CHST9: variants seen among roughly 807,000 people sequenced by gnomAD.
CHST9 encodes the protein GalNAc-4-sulfotransferase 2.
Under a neutral mutation model 44.4 loss-of-function variants are expected in CHST9, and 41 were observed. The ratio of observed to expected loss-of-function variants is 0.92; its 90% CI spans 0.72 to 1.20. The LOEUF (loss-of-function observed/expected upper bound fraction) is 1.20, where lower values mean the gene tolerates loss of function less well. Ranked by LOEUF, CHST9 falls within the 50% of genes most tolerant of loss-of-function variation. The pLI, the probability that CHST9 is intolerant of heterozygous loss-of-function variation, is 0.00. For missense variants in CHST9, 504 were observed against 516.5 expected, an observed-to-expected ratio of 0.98 and a Z score of 0.23; for synonymous variants, 171 against 178.4, an observed-to-expected ratio of 0.96 and a Z score of 0.33.
chr18:26,997,780 C>T (rs2056902997), intron 4 of CHST9, among the ~76,000 whole-genome samples: 1 of 152,144 alleles, frequency 6.6e-6, no homozygotes. Context: ...GGTAATATCA[C>T]TGTCTTCAAG....
rs116118126 is a variant in CHST9, at chr18:27,145,661, A to G, written c.-96-2756T>C. Among the ~76,000 whole-genome samples the G allele has an allele frequency of 1.3e-3, 202 of 152,312 alleles. 2 individuals carry two copies. Among genetic ancestry groups the G allele is most frequent in the African/African-American group, 4.6e-3 (191 of 41,576 alleles). On this transcript the variant is annotated intron_variant, in intron 1 of 5. Coordinates refer to ENST00000618847, the MANE Select transcript of CHST9 (RefSeq NM_031422.6). ...AGGATTTCAGACATTTCCTTGATTC[A>G]GGTAGTAAAGAAAGTTTTTAAATAA... is the stretch of plus-strand genomic sequence containing the variant.
intron 2 of CHST9, among the ~76,000 whole-genome samples, chr18:27,076,619 A>C (rs1280814863): frequency 1.3e-5 from 2 of 152,182 alleles, no homozygotes; most frequent in Non-Finnish European, 2.9e-5. Context: ...TGTATACCCG[A>C]ATGAGTCCAG....
At chr18:27,157,829 A>G (rs758549195) in intron 1 of CHST9, among the ~76,000 whole-genome samples, 13 of 152,148 alleles carry the variant, frequency 8.5e-5, no homozygotes, top group Non-Finnish European at 1.8e-4. Context: ...AAAAAACTGC[A>G]TTGTAAAATT....
At chr18:26,954,011 C>A (rs2056287150) in intron 4 of CHST9, among the ~76,000 whole-genome samples, 1 of 152,132 alleles carries the variant, frequency 6.6e-6, no homozygotes, top group Non-Finnish European at 1.5e-5. Context: ...CATTATAGAT[C>A]TGCACATGTA....
chr18:27,147,832 T>C (rs1297513017), intron 1 of CHST9: 1 of 151,956 alleles, frequency 6.6e-6, no homozygotes, highest in African/African-American at 2.4e-5. Context: ...GACACTATTC[T>C]GTTCTATTGA....
chr18:27,078,915 T>G (rs1439173506), intron 2 of CHST9, among the ~76,000 whole-genome samples: 1 of 152,180 alleles, frequency 6.6e-6, no homozygotes, highest in Non-Finnish European at 1.5e-5. Context: ...AGATATAGAA[T>G]TCATTAATGA....
chr18:26,996,414 C>T (rs578100378), intron 4 of CHST9, among the ~76,000 whole-genome samples: 5 of 152,164 alleles, frequency 3.3e-5, no homozygotes, highest in East Asian at 1.9e-4. Flanking sequence ...ATGAATGGCT[C>T]GGTGCTGTCC....
chr18:27,026,025 A>T (rs1395001610), intron 3 of CHST9, among the ~76,000 whole-genome samples: 1 of 152,184 alleles, frequency 6.6e-6, no homozygotes, highest in Admixed American at 6.5e-5. Context: ...TGTATGAGAG[A>T]TTGTTCTCAT....
chr18:26,944,477 C>G (rs1295260079), intron 4 of CHST9, 111 bp from the exon 5 acceptor site: 22 of 738,186 alleles, frequency 3.0e-5, no homozygotes, highest in Non-Finnish European at 4.2e-5. Flanking sequence ...CATGGACTCT[C>G]TGAGCAAGGA....
chr18:26,937,260 T>C (rs2056010316), intron 5 of CHST9, among the ~76,000 whole-genome samples: 1 of 151,034 alleles, frequency 6.6e-6, no homozygotes, highest in African/African-American at 2.5e-5. Flanking sequence ...ATTAAAAAAG[T>C]AATTTACCGC....
chr18:27,035,468 A>C (rs1419174536), intron 3 of CHST9, among the ~76,000 whole-genome samples: 1 of 152,166 alleles, frequency 6.6e-6, no homozygotes, highest in Non-Finnish European at 1.5e-5. Context: ...AAATGGATAA[A>C]GAAAATGTGA....
chr18:26,937,757 T>G (rs1403422452), intron 5 of CHST9, among the ~76,000 whole-genome samples: 1 of 152,162 alleles, frequency 6.6e-6, no homozygotes, highest in Non-Finnish European at 1.5e-5. Flanking sequence ...GAGAGATAAT[T>G]TAATGTAAAA....
At chr18:27,121,143 C>A (rs1330432353) in intron 2 of CHST9, among the ~76,000 whole-genome samples, 18 of 152,134 alleles carry the variant, frequency 1.2e-4, no homozygotes, top group Admixed American at 1.2e-3. Flanking sequence ...GCTGGGACTA[C>A]AGGCACCACA....
chr18:27,075,113 C>T (rs1381963068), intron 2 of CHST9, among the ~76,000 whole-genome samples: 4 of 149,786 alleles, frequency 2.7e-5, no homozygotes, highest in South Asian at 2.1e-4. Context: ...CTTTGACTAG[C>T]GTATATTGCA....
At chr18:27,014,453 C>CAAAAAAAAAAAAAAAAAAAAAA (rs57437876) in intron 4 of CHST9, among the ~76,000 whole-genome samples, 2 of 39,438 alleles carry the variant, frequency 5.1e-5, no homozygotes, top group East Asian at 8.1e-4. Flanking sequence ...GACTCTGTCT[C>CAAAAAAAAAAAAAAAAAAAAAA]AAAAAAAAAA....
chr18:27,155,496 A>G (rs186512032), intron 1 of CHST9, among the ~76,000 whole-genome samples: 8 of 152,306 alleles, frequency 5.3e-5, no homozygotes, highest in Admixed American at 2.0e-4. Context: ...TTAATACCTG[A>G]TCTTCATTAG....
intron 2 of CHST9, among the ~76,000 whole-genome samples, chr18:27,101,313 C>T (rs527714508): frequency 6.6e-6 from 1 of 152,108 alleles, no homozygotes; most frequent in South Asian, 2.1e-4. Flanking sequence ...CATCTCAGGC[C>T]GGGCTCGGTG....
At chr18:26,927,815 C>T (rs533002510) in intron 5 of CHST9, among the ~76,000 whole-genome samples, 4 of 151,922 alleles carry the variant, frequency 2.6e-5, no homozygotes, top group Admixed American at 2.0e-4. Flanking sequence ...TCAGCACAGA[C>T]CATTTATGGG....
At chr18:26,948,002 G>GACAT (rs1250315355) in intron 4 of CHST9, among the ~76,000 whole-genome samples, 1 of 152,118 alleles carries the variant, frequency 6.6e-6, no homozygotes, top group Non-Finnish European at 1.5e-5. Context: ...CAACCTAAAT[G>GACAT]CCCATCAATG....
Sources: gnomAD v4.1 joint callset for allele counts (sites outside exome capture counted in the v4.1 genomes callset) on GRCh38, gnomAD v4.1.1 for gene constraint, MANE v1.5 for transcripts, NCBI Gene and HGNC (gene_info 2026-07-23, HGNC 2026-07-21) for gene names.